TRHDE: variants seen among roughly 807,000 people sequenced by gnomAD.
The protein encoded by TRHDE is thyrotropin releasing hormone degrading enzyme.
In TRHDE, 72 loss-of-function variants were observed where a neutral mutation model predicts 125.7. The observed-to-expected ratio is 0.57, with a 90% CI of 0.47 to 0.70. The LOEUF is 0.70. Among genes scored for constraint, TRHDE ranks in the 30% least tolerant of loss-of-function variants. The pLI, the probability that TRHDE is intolerant of heterozygous loss-of-function variation, is 0.00. For missense variants in TRHDE, 1,110 were observed against 1,327.1 expected (o/e 0.84, Z 2.54); for synonymous variants, 509 against 509.1 (o/e 1.00, Z 0.00).
chr12:72,327,097 G>A (rs1015119610), intron 2 of TRHDE, among the ~76,000 whole-genome samples: 8 of 151,440 alleles, frequency 5.3e-5, no homozygotes, highest in African/African-American at 1.9e-4. Context: ...TGACTTCCTT[G>A]TGAGAACTTT....
At chr12:72,489,222 G>GAA (rs149322068) in intron 5 of TRHDE, among the ~76,000 whole-genome samples, 11 of 139,152 alleles carry the variant, frequency 7.9e-5, no homozygotes, top group African/African-American at 2.1e-4. Context: ...GATTTTTTTT[G>GAA]AAAAAAAAAA....
At chr12:72,597,709 G>GTATATATA (rs1227448318) in intron 12 of TRHDE, among the ~76,000 whole-genome samples, 2 of 56,956 alleles carry the variant, frequency 3.5e-5, no homozygotes, top group Non-Finnish European at 6.8e-5. Context: ...ATGTGTGTGT[G>GTATATATA]TATGTATATA....
intron 15 of TRHDE, among the ~76,000 whole-genome samples, chr12:72,650,931 TAA>T (rs1874481452): frequency 6.6e-6 from 1 of 152,122 alleles, no homozygotes; most frequent in Non-Finnish European, 1.5e-5. Flanking sequence ...AAGCTGGTCA[TAA>T]ACACAGCAGA....
At chr12:72,213,043 C>A (rs1481055449) in intron 2 of TRHDE, among the ~76,000 whole-genome samples, 6 of 152,062 alleles carry the variant, frequency 3.9e-5, no homozygotes, top group African/African-American at 9.7e-5. Flanking sequence ...TATAGATAAA[C>A]CTTTTCCACA....
intron 2 of TRHDE, among the ~76,000 whole-genome samples, chr12:72,198,962 A>G (rs1337869551): frequency 1.3e-5 from 2 of 151,814 alleles, no homozygotes; most frequent in Non-Finnish European, 2.9e-5. Context: ...AGAGAGAGAA[A>G]CAGAGAGAGA....
chr12:72,390,238 G>T (rs1872569329), intron 3 of TRHDE, among the ~76,000 whole-genome samples: 1 of 152,142 alleles, frequency 6.6e-6, no homozygotes, highest in African/African-American at 2.4e-5. Flanking sequence ...TTTCTAACCA[G>T]AACAGCTGTA....
At chr12:72,462,209 A>G (rs1382132614) in intron 3 of TRHDE, among the ~76,000 whole-genome samples, 2 of 152,224 alleles carry the variant, frequency 1.3e-5, no homozygotes, top group African/African-American at 2.4e-5. Context: ...GGTGAAATTC[A>G]AAGAGTGAAG....
intron 7 of TRHDE, among the ~76,000 whole-genome samples, chr12:72,548,685 T>G (rs533878364): frequency 7.9e-5 from 12 of 151,716 alleles, no homozygotes; most frequent in Non-Finnish European, 1.5e-4. Context: ...TTTCTGGAAA[T>G]AAAAATTAAA....
chr12:72,514,167 T>C (rs908317968), intron 6 of TRHDE, among the ~76,000 whole-genome samples: 3 of 152,062 alleles, frequency 2.0e-5, no homozygotes, highest in South Asian at 2.1e-4. Context: ...TCATATCTCA[T>C]CTCAAAAGAT....
At chr12:72,442,611 T>A (rs1175271827) in intron 3 of TRHDE, among the ~76,000 whole-genome samples, 1 of 151,882 alleles carries the variant, frequency 6.6e-6, no homozygotes, top group African/African-American at 2.4e-5. Context: ...CTTTGATTAA[T>A]GCTTACTGGA....
At chr12:72,116,884 G>A (rs1208940246) in intron 2 of TRHDE, among the ~76,000 whole-genome samples, 2 of 151,982 alleles carry the variant, frequency 1.3e-5, no homozygotes, top group East Asian at 1.9e-4. Flanking sequence ...TGCTTTTGGT[G>A]TGCCTTCTTT....
chr12:72,332,679 T>C (rs1474005515), intron 2 of TRHDE, among the ~76,000 whole-genome samples: 1 of 152,212 alleles, frequency 6.6e-6, no homozygotes, highest in Non-Finnish European at 1.5e-5. Context: ...ATTTATTGAA[T>C]ATTTTCTACA....
chr12:72,193,389 A>T lies in TRHDE; in HGVS notation n.279+87637A>T, dbSNP rs1221205079. 3.3e-5 allele frequency among the ~76,000 whole-genome samples: 5 copies of T among 152,276 alleles called. 1 individual carries two copies. The East Asian group carries it at 9.6e-4, about 29-fold the overall frequency. ...CTTCAGGATAATTGCCTATGTAATT[A>T]GCATTCAGGAAGAAATTATTTATTC... On this transcript the variant is annotated intron_variant and non_coding_transcript_variant, in intron 2 of 4. Transcript: ENST00000548156.
At chr12:72,640,153 G>C (rs572475825) in intron 15 of TRHDE, among the ~76,000 whole-genome samples, 298 of 152,356 alleles carry the variant, frequency 2.0e-3, no homozygotes, top group African/African-American at 6.8e-3. Flanking sequence ...AGCAATCAGC[G>C]AGACTCCGTG....
chr12:72,151,052 C>T (rs1390987098), intron 2 of TRHDE, among the ~76,000 whole-genome samples: 2 of 152,204 alleles, frequency 1.3e-5, no homozygotes, highest in African/African-American at 2.4e-5. Flanking sequence ...ACATCATCTC[C>T]AGCACCTGTT....
intron 2 of TRHDE, among the ~76,000 whole-genome samples, chr12:72,206,009 C>T (rs1377455460): frequency 6.6e-6 from 1 of 152,044 alleles, no homozygotes; most frequent in Non-Finnish European, 1.5e-5. Context: ...TCCTCACCAG[C>T]ACCTGTGATT....
rs550243928 is a variant in TRHDE, at chr12:72,337,032, A to C, written c.1189-40963A>C. Among the ~76,000 whole-genome samples, 77 of 152,340 alleles carry C rather than the reference A, an allele frequency of 5.1e-4. No individual in the cohort carries two copies. In the South Asian group the frequency reaches 0.015, roughly 29 times the overall value. ...TTACTAAATCAGAATCTGTATTTTAAGGAAATTGCCAGGTGATTTGTATGC... is the reference window on the plus strand; with the variant it reads ...TTACTAAATCAGAATCTGTATTTTACGGAAATTGCCAGGTGATTTGTATGC... On this transcript the variant is annotated intron_variant, in intron 2 of 18. Transcript: ENST00000261180.
At chr12:72,274,764 T>G (rs1018580469) in intron 1 of TRHDE, 2 of 152,168 alleles carry the variant, frequency 1.3e-5, no homozygotes, top group African/African-American at 4.8e-5. Flanking sequence ...ATAATAATAT[T>G]CTACTTGTAG....
chr12:72,622,831 A>G lies in TRHDE; in HGVS notation c.2675+1080A>G, dbSNP rs1873109210. Among the ~76,000 whole-genome samples, 3 of 152,008 alleles carry G rather than the reference A, an allele frequency of 2.0e-5. No homozygotes were observed. In the Admixed American group the frequency reaches 2.0e-4, roughly 10 times the overall value. ...TCACTACATTATTTAGTAACTCATAATACCTCACCTTCCTGTAGCATTTCC... is the reference window on the plus strand; with the variant it reads ...TCACTACATTATTTAGTAACTCATAGTACCTCACCTTCCTGTAGCATTTCC... On this transcript the variant is annotated intron_variant, in intron 15 of 18. Transcript: ENST00000261180.
Sources: gnomAD v4.1 joint callset for allele counts (sites outside exome capture counted in the v4.1 genomes callset) on GRCh38, gnomAD v4.1.1 for gene constraint, MANE v1.5 for transcripts, NCBI Gene and HGNC (gene_info 2026-07-23, HGNC 2026-07-21) for gene names.